ZNF423: variants seen among roughly 807,000 people sequenced by gnomAD.
ZNF423 encodes the protein Ebf-associated zinc finger protein.
ZNF423 carries 12 observed loss-of-function variants against 95.8 expected under a neutral mutation model. That is an observed-to-expected ratio of 0.13 (90% confidence interval 0.08 to 0.20). The LOEUF (loss-of-function observed/expected upper bound fraction) is 0.20. ZNF423 is among the 10% of genes least tolerant of loss of function. ZNF423 has a pLI of 1.00. For synonymous variants in ZNF423, 749 were observed against 711.9 expected (o/e 1.05, Z -0.83); for missense variants, 1,316 against 1,737.1 (o/e 0.76, Z 4.31).
At chr16:49,768,003 T>C (rs567460824) in intron 2 of ZNF423, among the ~76,000 whole-genome samples, 1 of 152,260 alleles carries the variant, frequency 6.6e-6, no homozygotes, top group African/African-American at 2.4e-5. Context: ...GAAGGCATCT[T>C]ATTAGAAAAG....
intron 5 of ZNF423, among the ~76,000 whole-genome samples, chr16:49,563,744 CCT>C (rs755982954): frequency 4.6e-5 from 7 of 152,310 alleles, no homozygotes; most frequent in Admixed American, 1.3e-4. Context: ...TCCCTCACCC[CCT>C]GAGACCCCTC....
At chr16:49,819,657 C>T (rs1056972339) in intron 1 of ZNF423, among the ~76,000 whole-genome samples, 1 of 152,076 alleles carries the variant, frequency 6.6e-6, no homozygotes, top group Non-Finnish European at 1.5e-5. Flanking sequence ...CCATGTTGGC[C>T]GGGCTGGTCT....
At chr16:49,588,211 T>C (rs768948157) in intron 5 of ZNF423, among the ~76,000 whole-genome samples, 6 of 152,200 alleles carry the variant, frequency 3.9e-5, no homozygotes, top group Non-Finnish European at 8.8e-5. Flanking sequence ...GCTGCCTCAG[T>C]AAGTTGTACT....
intron 2 of ZNF423, among the ~76,000 whole-genome samples, chr16:49,787,563 G>A (rs984825303): frequency 6.6e-6 from 1 of 152,182 alleles, no homozygotes; most frequent in African/African-American, 2.4e-5. Context: ...GCACCCCAGA[G>A]AGGCCCTAAG....
intron 5 of ZNF423, among the ~76,000 whole-genome samples, chr16:49,552,395 G>T (rs573365804): frequency 4.9e-4 from 74 of 152,256 alleles, no homozygotes; most frequent in Admixed American, 3.7e-3. Flanking sequence ...TAGGGGGTGG[G>T]CCAGGAGCAA....
intron 3 of ZNF423, among the ~76,000 whole-genome samples, chr16:49,723,777 G>T (rs915181014): frequency 2.6e-5 from 4 of 152,108 alleles, no homozygotes; most frequent in African/African-American, 9.7e-5. Flanking sequence ...CCTTTTTGGG[G>T]GATGGCCACC....
At chr16:49,738,686 T>G (rs2033347274) in intron 2 of ZNF423, among the ~76,000 whole-genome samples, 1 of 151,464 alleles carries the variant, frequency 6.6e-6, no homozygotes, top group Admixed American at 6.6e-5. Flanking sequence ...GCGGAGAAAG[T>G]GAGAGAGCCA....
chr16:49,541,729 C>T (rs1187791247), intron 5 of ZNF423, among the ~76,000 whole-genome samples: 1 of 152,124 alleles, frequency 6.6e-6, no homozygotes, highest in African/African-American at 2.4e-5. Context: ...GCAGTTCCCC[C>T]CATGCTGTTC....
intron 5 of ZNF423, among the ~76,000 whole-genome samples, chr16:49,545,600 GA>G (rs1194607671): frequency 6.6e-6 from 1 of 152,188 alleles, no homozygotes; most frequent in Admixed American, 6.5e-5. Context: ...AGCTCATGCT[GA>G]AACAATTCTC....
intron 7 of ZNF423, among the ~76,000 whole-genome samples, chr16:49,493,303 C>T (rs992041901): frequency 3.9e-5 from 6 of 152,170 alleles, no homozygotes; most frequent in South Asian, 4.1e-4. Flanking sequence ...CTTCCCATCC[C>T]TGCAGACCTC....
chr16:49,642,756 G>C (rs1355079373), intron 3 of ZNF423, among the ~76,000 whole-genome samples: 2 of 151,926 alleles, frequency 1.3e-5, no homozygotes, highest in African/African-American at 2.4e-5. Flanking sequence ...GCCAAAGCTC[G>C]GGATGTATCT....
chr16:49,682,005 C>A (rs570695176), intron 3 of ZNF423, among the ~76,000 whole-genome samples: 107 of 151,866 alleles, frequency 7.0e-4, no homozygotes, highest in African/African-American at 2.5e-3. Flanking sequence ...TGTCTATCTC[C>A]CCTTTTGCTC....
chr16:49,844,193 G>T (rs1470958941), intron 1 of ZNF423, among the ~76,000 whole-genome samples: 5 of 151,934 alleles, frequency 3.3e-5, no homozygotes, highest in Non-Finnish European at 7.4e-5. Flanking sequence ...AAGGAAGGAG[G>T]ATAGCTTGAG....
intron 5 of ZNF423, among the ~76,000 whole-genome samples, chr16:49,607,344 G>A (rs1019392335): frequency 1.3e-5 from 2 of 152,146 alleles, no homozygotes; most frequent in Admixed American, 6.5e-5. Flanking sequence ...CATGGACTGA[G>A]GACCTCAACT....
chr16:49,533,276 G>A (rs1338882730), intron 5 of ZNF423, among the ~76,000 whole-genome samples: 2 of 152,152 alleles, frequency 1.3e-5, no homozygotes, highest in African/African-American at 4.8e-5. Context: ...GGTCGCAATG[G>A]GATTCGGGGA....
rs1051434890 is a variant in ZNF423 at position 49,781,615 on chromosome 16, C to T, written c.100+7872G>A. 3.9e-5 allele frequency among the ~76,000 whole-genome samples: 6 copies of T among 152,284 alleles called. No individual in the cohort carries two copies. In the East Asian group the frequency reaches 1.2e-3, roughly 29 times the overall value. On this transcript the variant is annotated intron_variant, in intron 2 of 7. Coordinates refer to ENST00000563137, the MANE Select transcript of ZNF423 (RefSeq NM_001379286.1). ...ACAAGCAGGGCAGGAGGCAGCTCCGCGTGGTTCAGAAGTGCAGGCGGGACT... is the reference window on the plus strand; with the variant it reads ...ACAAGCAGGGCAGGAGGCAGCTCCGTGTGGTTCAGAAGTGCAGGCGGGACT...
chr16:49,752,679 T>C (rs942103055), intron 2 of ZNF423, among the ~76,000 whole-genome samples: 1 of 152,198 alleles, frequency 6.6e-6, no homozygotes, highest in Non-Finnish European at 1.5e-5. Flanking sequence ...ACTGAGGGCA[T>C]GGGCTTGACC....
chr16:49,728,902 T>C (rs1334385457), intron 3 of ZNF423, among the ~76,000 whole-genome samples: 1 of 152,054 alleles, frequency 6.6e-6, no homozygotes, highest in East Asian at 1.9e-4. Context: ...CTGGGTAATT[T>C]TTGTATTTTT....
intron 2 of ZNF423, among the ~76,000 whole-genome samples, chr16:49,746,398 G>A (rs1468309946): frequency 6.6e-6 from 1 of 152,114 alleles, no homozygotes; most frequent in African/African-American, 2.4e-5. Context: ...CATAGCCTGG[G>A]GTTGCCCTTA....
Sources: gnomAD v4.1 joint callset for allele counts (sites outside exome capture counted in the v4.1 genomes callset) on GRCh38, gnomAD v4.1.1 for gene constraint, MANE v1.5 for transcripts, NCBI Gene and HGNC (gene_info 2026-07-23, HGNC 2026-07-21) for gene names.